The following PTPRN2 variants were observed in gnomAD, a reference collection of about 807,000 sequenced individuals.
PTPRN2 encodes the protein protein tyrosine phosphatase receptor type N2.
Under a neutral mutation model 118.8 loss-of-function variants are expected in PTPRN2, and 74 were observed. The ratio of observed to expected loss-of-function variants is 0.62; its 90% CI spans 0.52 to 0.76. The LOEUF is 0.76. Among genes scored for constraint, PTPRN2 ranks in the 30% least tolerant of loss-of-function variants. The pLI is 0.00. For synonymous variants in PTPRN2, 641 were observed against 608.0 expected, an observed-to-expected ratio of 1.05 and a Z score of -0.80; for missense variants, 1,481 against 1,394.4, an observed-to-expected ratio of 1.06 and a Z score of -0.99.
At chr7:158,124,667 C>T (rs1412935257) in intron 9 of PTPRN2, among the ~76,000 whole-genome samples, 3 of 152,180 alleles carry the variant, frequency 2.0e-5, no homozygotes, top group South Asian at 4.2e-4. Context: ...AAGCTGCCTC[C>T]CAGACGGGAC....
chr7:157,867,786 C>T (rs1220391500), intron 12 of PTPRN2, among the ~76,000 whole-genome samples: 1 of 152,202 alleles, frequency 6.6e-6, no homozygotes, highest in African/African-American at 2.4e-5. Flanking sequence ...TCCCAGAATC[C>T]AGTCCAGGGA....
intron 12 of PTPRN2, among the ~76,000 whole-genome samples, chr7:157,819,735 T>C (rs1585551036): frequency 6.6e-6 from 1 of 152,062 alleles, no homozygotes. Flanking sequence ...GGGATCCCTC[T>C]GCACGCCCCA....
chr7:157,705,036 G>C (rs1269694343), intron 12 of PTPRN2, among the ~76,000 whole-genome samples: 1 of 152,208 alleles, frequency 6.6e-6, no homozygotes. Flanking sequence ...GGCCGGGCGT[G>C]GTGGCTCACG....
intron 3 of PTPRN2, among the ~76,000 whole-genome samples, chr7:158,267,009 G>A (rs1477366826): frequency 6.6e-6 from 1 of 152,216 alleles, no homozygotes; most frequent in Non-Finnish European, 1.5e-5. Flanking sequence ...TGTCACTAAA[G>A]GGCGGGGAAG....
chr7:157,794,228 C>T lies in PTPRN2; in HGVS notation c.1788+104445G>A, dbSNP rs556900695. 1.3e-4 allele frequency among the ~76,000 whole-genome samples: 20 copies of T among 149,118 alleles called. No homozygotes were observed. The highest frequency in any genetic ancestry group is 2.7e-4 in the Non-Finnish European group (18 of 67,456). The stretch of plus-strand genomic sequence containing the variant: ...TCCGACCCGGGCTCACACCTCCCCT[C>T]GTTCTCTGCTCCGACCCGGGCTCAC... On this transcript the variant is annotated intron_variant, in intron 12 of 22. Transcript: ENST00000389418. The surrounding 1 kb of genome is among the most constrained non-coding windows in gnomAD (Gnocchi z 5.2).
intron 1 of PTPRN2, among the ~76,000 whole-genome samples, chr7:158,531,073 CAAAA>C (rs751303186): frequency 1.3e-5 from 2 of 152,048 alleles, no homozygotes; most frequent in African/African-American, 2.4e-5. Flanking sequence ...TGCACACAAA[CAAAA>C]ACAAACCACA....
At chr7:158,477,903 G>A (rs191626162) in intron 2 of PTPRN2, among the ~76,000 whole-genome samples, 81 of 152,336 alleles carry the variant, frequency 5.3e-4, no homozygotes, top group Non-Finnish European at 8.5e-4. Context: ...GCCCCAACAG[G>A]CAGGAAGCAC....
intron 12 of PTPRN2, among the ~76,000 whole-genome samples, chr7:157,790,130 T>G (rs1804375140): frequency 7.3e-6 from 1 of 137,666 alleles, no homozygotes; most frequent in Non-Finnish European, 1.6e-5. Context: ...GTGTGGTGTG[T>G]GTGTGGTGGG....
rs566539638 is a variant in PTPRN2 at position 157,576,703 on chromosome 7, T to A, written c.2693A>T (p.Asn898Ile). The change falls in exon 19 of 23, where the codon AAC (asparagine) becomes ATC (isoleucine). Residue 898 changes from asparagine to isoleucine, a missense_variant. By Grantham distance (149) the Asn-to-Ile change is moderately radical. Transcript: ENST00000389418. ...RSFYLKNLQT[N>I]ETRTVTQFHF... ...GAACTGCGTCACGGTGCGCGTCTCG[T>A]TGGTCTGCAGGTTCTTCAGATAGAA... 6.8e-6 allele frequency: 11 copies of A among 1,610,748 alleles called. No homozygotes were observed. Among genetic ancestry groups the A allele is most frequent in the Non-Finnish European group, 8.5e-6 (10 of 1,178,290 alleles).
intron 2 of PTPRN2, among the ~76,000 whole-genome samples, chr7:158,359,674 G>C (rs914038731): frequency 7.2e-5 from 11 of 152,168 alleles, no homozygotes; most frequent in African/African-American, 2.7e-4. Context: ...TAAAAACCCA[G>C]CCTCAGCACA....
intron 12 of PTPRN2, among the ~76,000 whole-genome samples, chr7:157,712,436 G>A (rs1399355314): frequency 6.6e-6 from 1 of 152,124 alleles, no homozygotes; most frequent in East Asian, 1.9e-4. Context: ...GAATCCAGTA[G>A]GACTGGTGTC....
intron 11 of PTPRN2, among the ~76,000 whole-genome samples, chr7:158,034,545 T>G (rs1807958680): frequency 6.6e-6 from 1 of 152,198 alleles, no homozygotes; most frequent in East Asian, 1.9e-4. Flanking sequence ...CCTTCCACCA[T>G]GATTGTGAGG....
intron 6 of PTPRN2, among the ~76,000 whole-genome samples, chr7:158,152,823 GA>G (rs1252229400): frequency 6.6e-6 from 1 of 151,620 alleles, no homozygotes; most frequent in Non-Finnish European, 1.5e-5. Flanking sequence ...CGACTGGTGG[GA>G]CAAGAGCAGA....
intron 1 of PTPRN2, among the ~76,000 whole-genome samples, chr7:158,510,914 G>A (rs558730154): frequency 3.9e-5 from 6 of 152,326 alleles, no homozygotes; most frequent in South Asian, 2.1e-4. Context: ...GGCTGTCGTC[G>A]AGGAGGCCCA....
intron 3 of PTPRN2, among the ~76,000 whole-genome samples, chr7:158,292,042 T>C (rs1383193647): frequency 6.6e-6 from 1 of 152,256 alleles, no homozygotes; most frequent in African/African-American, 2.4e-5. Flanking sequence ...CTCCATGACC[T>C]GTCTAGCTTT....
At chr7:157,843,766 C>T (rs777661717) in intron 12 of PTPRN2, among the ~76,000 whole-genome samples, 3 of 152,222 alleles carry the variant, frequency 2.0e-5, no homozygotes, top group South Asian at 2.1e-4. Context: ...CTCGCAGTTT[C>T]GAAGGAAACC....
chr7:157,997,807 T>G (rs201043118), intron 11 of PTPRN2, among the ~76,000 whole-genome samples: 3,630 of 114,450 alleles, frequency 0.032, 190 homozygotes, highest in African/African-American at 0.11. Flanking sequence ...AGGAATGGAG[T>G]GCAGGGGAGA....
In PTPRN2 at chr7:158,544,880, C is replaced by G. The variant is rs577713153; in HGVS notation, c.112+42678G>C. Reference sequence around the variant, plus strand: ...TGCAGTTTTCTGCTAACACTTACACCTGCCCACACTGGTGCTCACACTCAC... The same window carrying G: ...TGCAGTTTTCTGCTAACACTTACACGTGCCCACACTGGTGCTCACACTCAC... On this transcript the variant is annotated intron_variant, in intron 1 of 22. Transcript: ENST00000389418. The surrounding 1 kb of genome is among the most constrained non-coding windows in gnomAD (Gnocchi z 4.2). Among the ~76,000 whole-genome samples, 3 of 152,318 alleles carry G rather than the reference C, an allele frequency of 2.0e-5. No homozygotes were observed. The highest frequency in any genetic ancestry group is 7.2e-5 in the African/African-American group (3 of 41,574).
intron 2 of PTPRN2, among the ~76,000 whole-genome samples, chr7:158,402,472 C>T (rs375839946): frequency 9.9e-5 from 15 of 152,282 alleles, no homozygotes; most frequent in African/African-American, 3.1e-4. Flanking sequence ...ACTGAATTTA[C>T]GTTGGTGGGA....
Sources: gnomAD v4.1 joint callset for allele counts (sites outside exome capture counted in the v4.1 genomes callset) on GRCh38, gnomAD v4.1.1 for gene constraint, Gnocchi (gnomAD v3.1) non-coding constraint, MANE v1.5 for transcripts, NCBI Gene and HGNC (gene_info 2026-07-23, HGNC 2026-07-21) for gene names.